BIRC6: variants seen among roughly 807,000 people sequenced by gnomAD.
The protein encoded by BIRC6 is baculoviral IAP repeat containing 6, also known as dual E2 ubiquitin-conjugating enzyme/E3 ubiquitin-protein ligase BIRC6.
A neutral mutation model predicts 503.3 loss-of-function variants in BIRC6; 98 were observed. The ratio of observed to expected loss-of-function variants is 0.19; its 90% CI spans 0.17 to 0.23. The LOEUF is 0.23. BIRC6 is among the 10% of genes least tolerant of loss of function. The probability of loss-of-function intolerance (pLI) is 1.00; values close to 1 mark genes in which losing one functional copy is unlikely to be tolerated. For missense variants in BIRC6, 5,360 were observed against 5,806.0 expected (o/e 0.92, Z 2.50); for synonymous variants, 2,240 against 2,078.7 (o/e 1.08, Z -2.11).
Position 32,607,565 on chromosome 2 carries a change from T to C in BIRC6, c.14181T>C (p.Tyr4727=). 9 of 1,613,832 alleles carry C rather than the reference T, an allele frequency of 5.6e-6. No homozygotes were observed. The highest frequency in any genetic ancestry group is 7.6e-6 in the Non-Finnish European group (9 of 1,179,780). ...TPSGTQSSRE[Y]DGNIRQATVK... is the part of the protein sequence containing the mutation. The stretch of plus-strand genomic sequence containing the variant: ...GTGGCACACAGAGTTCTCGAGAATA[T>C]GATGGAAACATTCGACAAGCAACAG... The change falls in exon 72 of 74, where the codon TAT becomes TAC. Residue 4727 remains tyrosine, a synonymous_variant. Transcript: ENST00000421745.
chr2:32,593,761 A>G (rs971210329), intron 66 of BIRC6, among the ~76,000 whole-genome samples, 154 bp from the exon 67 acceptor site: 4 of 152,164 alleles, frequency 2.6e-5, no homozygotes, highest in Non-Finnish European at 2.9e-5. Context: ...CCTACCCATA[A>G]CTTTACTAGC....
At chr2:32,512,854 T>A in intron 53 of BIRC6, 79 bp from the exon 54 acceptor site, 1 of 1,055,658 alleles carries the variant, frequency 9.5e-7, no homozygotes, top group East Asian at 2.4e-5. Context: ...CTACTCACCA[T>A]GCAGAGATGG....
intron 1 of BIRC6, among the ~76,000 whole-genome samples, chr2:32,368,111 T>G (rs2035233332): frequency 6.6e-6 from 1 of 152,172 alleles, no homozygotes; most frequent in Non-Finnish European, 1.5e-5. Context: ...CAGGGGAAAT[T>G]TTAAGAAAAT....
chr2:32,495,344 G>A (rs969353351), intron 45 of BIRC6, among the ~76,000 whole-genome samples: 2 of 152,088 alleles, frequency 1.3e-5, no homozygotes, highest in Admixed American at 1.3e-4. Context: ...ACATTTTTGT[G>A]GCCTAGTTTA....
chr2:32,395,362 G>A (rs2039756345), intron 5 of BIRC6, 149 bp from the exon 6 acceptor site: 3 of 559,660 alleles, frequency 5.4e-6, no homozygotes, highest in Non-Finnish European at 9.2e-6. Flanking sequence ...AGGTTTCAGT[G>A]TATTGTTGGA....
intron 21 of BIRC6, among the ~76,000 whole-genome samples, chr2:32,446,735 G>T (rs1030538182): frequency 1.9e-5 from 2 of 103,576 alleles, no homozygotes; most frequent in African/African-American, 7.6e-5. Flanking sequence ...CTCCCTCTGC[G>T]CTGTTTTTTT....
rs889253861 is a variant in BIRC6 at position 32,570,729 on chromosome 2, C to T, written c.13145-4427C>T. ...GGCCAGGCTGGTCTCGAACTCCTGA[C>T]CTCAGGTTTTCCACCCACCTTGGCC... On this transcript the variant is annotated intron_variant, in intron 65 of 73. Coordinates refer to ENST00000421745, the MANE Select transcript of BIRC6 (RefSeq NM_016252.4). 2.0e-5 allele frequency among the ~76,000 whole-genome samples: 3 copies of T among 151,956 alleles called. No individual in the cohort carries two copies. In the South Asian group the frequency reaches 6.2e-4, roughly 32 times the overall value.
At chr2:32,474,890 C>T (rs1051609541) in intron 33 of BIRC6, among the ~76,000 whole-genome samples, 27 of 151,830 alleles carry the variant, frequency 1.8e-4, no homozygotes, top group African/African-American at 5.8e-4. Flanking sequence ...AGATAACAGC[C>T]AAGTGGATTT....
chr2:32,500,445 C>T (rs2053027169), intron 46 of BIRC6, among the ~76,000 whole-genome samples: 1 of 146,126 alleles, frequency 6.8e-6, no homozygotes, highest in Non-Finnish European at 1.5e-5. Context: ...TTACCCCGAG[C>T]CAGAGTCTTG....
intron 40 of BIRC6, among the ~76,000 whole-genome samples, chr2:32,486,458 T>C (rs1238523448): frequency 6.6e-6 from 1 of 152,164 alleles, no homozygotes; most frequent in Non-Finnish European, 1.5e-5. Context: ...TCTACACAAG[T>C]CTGGAACTGG....
chr2:32,508,579 A>G (rs142902397), intron 51 of BIRC6, among the ~76,000 whole-genome samples: 2,388 of 152,166 alleles, frequency 0.016, 33 homozygotes, highest in Middle Eastern at 0.031. Flanking sequence ...GCAAATGCCT[A>G]TGACCAGCCT....
Position 32,518,864 on chromosome 2 carries a change from A to G in BIRC6, c.11541A>G (p.Pro3847=). Residue 3847 remains proline (P), a synonymous_variant, in exon 57 of 74, where the codon CCA becomes CCG. Transcript: ENST00000421745. Reference sequence around the variant, plus strand: ...CTACTAGCCACGTCATCCAGCATCCAATGTATGGAGCAGGCCACAAATTCC... The same window carrying G: ...CTACTAGCCACGTCATCCAGCATCCGATGTATGGAGCAGGCCACAAATTCC... The part of the protein sequence containing the change: ...INATSHVIQH[P]MYGAGHKFRT... The G allele has an allele frequency of 6.2e-7, 1 of 1,613,718 alleles. No individual in the cohort carries two copies. Among genetic ancestry groups the G allele is most frequent in the Non-Finnish European group, 8.5e-7 (1 of 1,179,644 alleles).
At chr2:32,407,504 C>G (rs1461226799) in intron 9 of BIRC6, among the ~76,000 whole-genome samples, 2 of 150,812 alleles carry the variant, frequency 1.3e-5, no homozygotes, top group Non-Finnish European at 2.9e-5. Flanking sequence ...AGTGTAGTGC[C>G]TGGGAAGTAC....
At position 32,477,413 on chromosome 2, in the gene BIRC6, C is replaced by G; in HGVS notation, c.6898C>G (p.Arg2300Gly). The stretch of plus-strand genomic sequence containing the variant: ...TTTACGTCGGACAGCAGAATGGTCC[C>G]GTTCTAATTTAGACACAGAAGTTAC... ...IRLRRTAEWS[R>G]SNLDTEVTTA... The change falls in exon 35 of 74, where the codon CGT (arginine) becomes GGT (glycine). Residue 2300 changes from arginine (R) to glycine (G), a missense_variant. Arg to Gly is a moderately radical substitution (Grantham distance 125). Transcript: ENST00000421745. The G allele has an allele frequency of 6.2e-7, 1 of 1,613,856 alleles. No individual in the cohort carries two copies. The highest frequency in any genetic ancestry group is 1.1e-5 in the South Asian group (1 of 91,072).
intron 6 of BIRC6, among the ~76,000 whole-genome samples, chr2:32,398,716 T>C (rs972680200): frequency 3.7e-4 from 56 of 152,186 alleles, no homozygotes; most frequent in Non-Finnish European, 1.2e-4. Flanking sequence ...TCTTTAGCTT[T>C]ATTTTATATA....
chr2:32,532,103 A>G (rs770847757), intron 61 of BIRC6: 1 of 508,720 alleles, frequency 2.0e-6, no homozygotes. Flanking sequence ...TGTTGAATGA[A>G]GTAGGGGAAT....
chr2:32,534,730 C>CA (rs770672789), intron 61 of BIRC6, among the ~76,000 whole-genome samples: 2,001 of 22,240 alleles, frequency 0.09, 467 homozygotes, highest in Non-Finnish European at 0.11. Context: ...GACTCTGTCT[C>CA]AAAAAAAAAA....
chr2:32,397,883 GT>G (rs568823896), intron 6 of BIRC6, among the ~76,000 whole-genome samples: 53 of 152,110 alleles, frequency 3.5e-4, no homozygotes, highest in Admixed American at 6.6e-4. Context: ...GAAAACCCAT[GT>G]TTTCTTGACA....
chr2:32,575,988 G>C (rs2060242886), intron 66 of BIRC6, among the ~76,000 whole-genome samples: 1 of 152,060 alleles, frequency 6.6e-6, no homozygotes. Context: ...ACATAATGTT[G>C]ATGTCAGAGA....
Sources: allele counts gnomAD v4.1 joint callset (sites outside exome capture counted in the v4.1 genomes callset), GRCh38; gene constraint gnomAD v4.1.1; transcripts MANE v1.5; gene names NCBI Gene and HGNC (gene_info 2026-07-23, HGNC 2026-07-21).